The following GALNTL6 variants were observed in gnomAD, a reference collection of about 807,000 sequenced individuals.
GALNTL6 encodes polypeptide N-acetylgalactosaminyltransferase like 6, also known as polypeptide N-acetylgalactosaminyltransferase-like 6.
A neutral mutation model predicts 73.7 loss-of-function variants in GALNTL6; 46 were observed. That is an observed-to-expected ratio of 0.62 (90% CI 0.49 to 0.80). GALNTL6 has a LOEUF of 0.80. GALNTL6 is among the 30% of genes least tolerant of loss of function. The pLI is 0.00. For missense variants in GALNTL6, 604 were observed against 755.0 expected (o/e 0.80, Z 2.34); for synonymous variants, 259 against 263.7 (o/e 0.98, Z 0.17).
intron 9 of GALNTL6, among the ~76,000 whole-genome samples, chr4:172,949,216 C>T (rs1378337077): frequency 4.6e-5 from 7 of 152,166 alleles, no homozygotes; most frequent in Admixed American, 4.6e-4. Context: ...TGAGCACACA[C>T]GTTTCTGGAA....
chr4:172,917,138 G>A (rs941967230), intron 8 of GALNTL6, among the ~76,000 whole-genome samples: 4 of 152,310 alleles, frequency 2.6e-5, no homozygotes, highest in African/African-American at 9.6e-5. Flanking sequence ...ACAAAAACAA[G>A]AAACGGGGAA....
At chr4:172,782,927 A>G (rs1045853959) in intron 5 of GALNTL6, among the ~76,000 whole-genome samples, 14 of 152,266 alleles carry the variant, frequency 9.2e-5, no homozygotes, top group African/African-American at 3.1e-4. Flanking sequence ...CTTGTTATGC[A>G]TGGTCTAGAA....
chr4:172,840,471 A>T (rs1743148365), intron 7 of GALNTL6, among the ~76,000 whole-genome samples: 2 of 152,040 alleles, frequency 1.3e-5, no homozygotes, highest in Non-Finnish European at 2.9e-5. Context: ...CTCTTCTATC[A>T]TTGCTAATCC....
In GALNTL6 at chr4:172,996,377, G is replaced by A. The variant is rs114956257; in HGVS notation, c.1372-12801G>A. Reference sequence around the variant, plus strand: ...TGCATAGAGGGGAACAGCACACACCGGGGGCTATGGGAGGGTGGAGGGTGG... The same window carrying A: ...TGCATAGAGGGGAACAGCACACACCAGGGGCTATGGGAGGGTGGAGGGTGG... On this transcript the variant is annotated intron_variant, in intron 10 of 12. Transcript: ENST00000506823. Among the ~76,000 whole-genome samples, 1,183 of 152,102 alleles carry A rather than the reference G, an allele frequency of 7.8e-3. 12 individuals carry two copies. Among genetic ancestry groups the A allele is most frequent in the African/African-American group, 0.027 (1,139 of 41,498 alleles).
At chr4:172,675,453 C>T (rs1277909289) in intron 5 of GALNTL6, among the ~76,000 whole-genome samples, 1 of 152,152 alleles carries the variant, frequency 6.6e-6, no homozygotes, top group Non-Finnish European at 1.5e-5. Flanking sequence ...CTGCTGGGGG[C>T]AGGGGACTCC....
At chr4:171,991,205 A>G (rs1420738534) in intron 2 of GALNTL6, among the ~76,000 whole-genome samples, 1 of 152,204 alleles carries the variant, frequency 6.6e-6, no homozygotes, top group Non-Finnish European at 1.5e-5. Context: ...TAGACCTTTA[A>G]GAAAAGATGT....
intron 2 of GALNTL6, among the ~76,000 whole-genome samples, chr4:171,935,082 G>A (rs1202543239): frequency 6.6e-6 from 1 of 152,036 alleles, no homozygotes; most frequent in African/African-American, 2.4e-5. Flanking sequence ...TTTTTTGCAG[G>A]ATGTGAGATG....
At chr4:172,838,360 G>A (rs1256704068) in intron 7 of GALNTL6, among the ~76,000 whole-genome samples, 5 of 152,184 alleles carry the variant, frequency 3.3e-5, no homozygotes, top group East Asian at 3.8e-4. Context: ...TCCGGTGGGC[G>A]GAGTCCAGAC....
chr4:172,975,761 T>C (rs1053824553), intron 10 of GALNTL6, among the ~76,000 whole-genome samples: 1 of 152,140 alleles, frequency 6.6e-6, no homozygotes, highest in Non-Finnish European at 1.5e-5. Context: ...GAGCCTGGCA[T>C]GTCAGTGCCA....
chr4:172,867,070 C>A (rs1423541252), intron 7 of GALNTL6, among the ~76,000 whole-genome samples: 1 of 152,134 alleles, frequency 6.6e-6, no homozygotes, highest in Non-Finnish European at 1.5e-5. Flanking sequence ...TCTGAGAAAG[C>A]TATCTGGAAG....
chr4:172,015,923 ATTTTTTTTTTTTTTTTTT>A (rs70941375), intron 2 of GALNTL6, among the ~76,000 whole-genome samples: 3 of 44,052 alleles, frequency 6.8e-5, no homozygotes, highest in Non-Finnish European at 8.4e-5. Context: ...ATCTAATAGG[ATTTTTTTTTTTTTTTTTT>A]TTTTTTTTTT....
chr4:172,031,250 A>C (rs1741760502), intron 2 of GALNTL6, among the ~76,000 whole-genome samples: 1 of 152,154 alleles, frequency 6.6e-6, no homozygotes. Flanking sequence ...TATCTGAAAA[A>C]TGCCAAACAA....
intron 2 of GALNTL6, among the ~76,000 whole-genome samples, chr4:172,021,113 ACT>A (rs1167503167): frequency 3.9e-5 from 6 of 152,000 alleles, no homozygotes; most frequent in African/African-American, 9.7e-5. Flanking sequence ...CATGATAAAA[ACT>A]CTCAAACAGC....
At chr4:172,395,900 T>A (rs1349497134) in intron 5 of GALNTL6, among the ~76,000 whole-genome samples, 1 of 151,948 alleles carries the variant, frequency 6.6e-6, no homozygotes, top group Non-Finnish European at 1.5e-5. Context: ...GAAAAATGAG[T>A]CCCTAAACCT....
intron 5 of GALNTL6, among the ~76,000 whole-genome samples, chr4:172,771,481 T>C (rs1738756562): frequency 6.6e-6 from 1 of 152,258 alleles, no homozygotes. Flanking sequence ...TACAATACTT[T>C]AATTCATTTT....
At chr4:171,816,787 T>C (rs112044508) in intron 2 of GALNTL6, among the ~76,000 whole-genome samples, 2,273 of 152,166 alleles carry the variant, frequency 0.015, 38 homozygotes, top group African/African-American at 0.034. Flanking sequence ...GGTTTTATTC[T>C]ATTATTTATT....
intron 2 of GALNTL6, among the ~76,000 whole-genome samples, chr4:172,026,111 A>T (rs952989717): frequency 2.6e-5 from 4 of 152,168 alleles, no homozygotes; most frequent in African/African-American, 4.8e-5. Context: ...CTAGATTTTT[A>T]AAAAATAAAG....
intron 2 of GALNTL6, among the ~76,000 whole-genome samples, chr4:172,101,682 C>T (rs1732524372): frequency 6.6e-6 from 1 of 151,912 alleles, no homozygotes; most frequent in South Asian, 2.1e-4. Context: ...TTAATATACT[C>T]TTTGAATATT....
At chr4:172,718,368 A>G (rs1007549620) in intron 5 of GALNTL6, among the ~76,000 whole-genome samples, 1 of 152,212 alleles carries the variant, frequency 6.6e-6, no homozygotes, top group African/African-American at 2.4e-5. Context: ...ACAGTGGCTC[A>G]TACCTGTAAT....
Sources: gnomAD v4.1 joint callset for allele counts (sites outside exome capture counted in the v4.1 genomes callset) on GRCh38, gnomAD v4.1.1 for gene constraint, MANE v1.5 for transcripts, NCBI Gene and HGNC (gene_info 2026-07-23, HGNC 2026-07-21) for gene names.